Variants in GTSE1 observed in about 807,000 individuals in gnomAD.
GTSE1 encodes G2 and S-phase expressed 1.
A neutral mutation model predicts 60.5 loss-of-function variants in GTSE1; 52 were observed. That is an observed-to-expected ratio of 0.86 (90% CI 0.69 to 1.08). GTSE1 has a LOEUF of 1.08. GTSE1 is among the 50% of genes least tolerant of loss of function. GTSE1 has a pLI of 0.00. For missense variants in GTSE1, 937 were observed against 961.8 expected (o/e 0.97, Z 0.34); for synonymous variants, 368 against 386.5 (o/e 0.95, Z 0.56).
At chr22:46,323,437 A>G (rs975811473) in intron 8 of GTSE1, among the ~76,000 whole-genome samples, 175 bp downstream of exon 8, 1 of 152,158 alleles carries the variant, frequency 6.6e-6, no homozygotes, top group Non-Finnish European at 1.5e-5. Flanking sequence ...TCTACTGCAG[A>G]CTTAAGACAT....
intron 4 of GTSE1, among the ~76,000 whole-genome samples, chr22:46,311,830 A>G (rs2077750145): frequency 6.6e-6 from 1 of 152,172 alleles, no homozygotes; most frequent in African/African-American, 2.4e-5. Flanking sequence ...CAGCTTTCTC[A>G]TTATCATTCT....
rs762430178 is a variant in GTSE1 at position 46,313,954 on chromosome 22, C to T, written c.992C>T (p.Ser331Phe). The change falls in exon 6 of 12, where the codon TCC becomes TTC. Residue 331 changes from serine to phenylalanine, a missense_variant. Physicochemically the swap from Ser to Phe is radical, Grantham distance 155. Transcript: ENST00000454366. The surrounding 1 kb of genome is among the most constrained non-coding windows in gnomAD (Gnocchi z 4.4). Reference protein sequence around the residue: ...GSTSNLARKSSSGPVWSGASS... With the variant: ...GSTSNLARKSFSGPVWSGASS... ...ACCAGCAATCTCGCAAGGAAGTCCTCCTCGGGGCCTGTTTGGAGCGGGGCA... is the reference window on the plus strand; with the variant it reads ...ACCAGCAATCTCGCAAGGAAGTCCTTCTCGGGGCCTGTTTGGAGCGGGGCA... The T allele has an allele frequency of 3.7e-6, 6 of 1,614,234 alleles. No homozygotes were observed. The highest frequency in any genetic ancestry group is 1.3e-5 in the African/African-American group (1 of 75,072).
chr22:46,308,314 A>G lies in GTSE1; in HGVS notation c.138-5A>G. 1 of 1,611,454 alleles carries G rather than the reference A, an allele frequency of 6.2e-7. No individual in the cohort carries two copies. Among genetic ancestry groups the G allele is most frequent in the Non-Finnish European group, 8.5e-7 (1 of 1,178,054 alleles). On this transcript the variant is annotated splice_region_variant and splice_polypyrimidine_tract_variant and intron_variant, in intron 3 of 11. Transcript: ENST00000454366. ...TTATTAATCATTCTTTTTTTAAACA[A>G]ATAGTGCAAATGAAGATGATGAAGT...
In GTSE1 at chr22:46,317,312, A is replaced by G. The variant is rs1432279529; in HGVS notation, c.1432+900A>G. Among the ~76,000 whole-genome samples, 4 of 152,008 alleles carry G rather than the reference A, an allele frequency of 2.6e-5. No individual in the cohort carries two copies. Among genetic ancestry groups the G allele is most frequent in the Non-Finnish European group, 5.9e-5 (4 of 67,978 alleles). On this transcript the variant is annotated intron_variant, in intron 7 of 11. Coordinates refer to ENST00000454366, the MANE Select transcript of GTSE1 (RefSeq NM_016426.7). The surrounding 1 kb of genome is among the most constrained non-coding windows in gnomAD (Gnocchi z 5.6). ...CAGTTTGGGTAGTTTCTGTTGTCAG[A>G]TATCATTTCTTCTGCAGTGCCTAAC...
At chr22:46,328,589 C>T in intron 9 of GTSE1, 99 bp from the exon 10 acceptor site, 1 of 925,770 alleles carries the variant, frequency 1.1e-6, no homozygotes, top group Non-Finnish European at 1.7e-6. Context: ...ACGCACTCCA[C>T]CCAGGACACT....
In GTSE1 at chr22:46,321,671, A is replaced by G. The variant is rs1346652618; in HGVS notation, c.1433-1519A>G. ...AAGGGAGACATCGCAAGAAGCTTCCAGCACGCTGGAAGCAGAGCTGGGTGT... is the reference window on the plus strand; with the variant it reads ...AAGGGAGACATCGCAAGAAGCTTCCGGCACGCTGGAAGCAGAGCTGGGTGT... On this transcript the variant is annotated intron_variant, in intron 7 of 11. Transcript: ENST00000454366. The surrounding 1 kb of genome is among the most constrained non-coding windows in gnomAD (Gnocchi z 4.0). Among the ~76,000 whole-genome samples the G allele has an allele frequency of 2.6e-5, 4 of 152,266 alleles. No homozygotes were observed. The highest frequency in any genetic ancestry group is 1.9e-4 in the East Asian group (1 of 5,198).
At chr22:46,301,038 G>A (rs2077686572) in intron 2 of GTSE1, among the ~76,000 whole-genome samples, 1 of 152,146 alleles carries the variant, frequency 6.6e-6, no homozygotes, top group Non-Finnish European at 1.5e-5. Flanking sequence ...TGTTTTTCAG[G>A]CTTAATTTAT....
At chr22:46,301,548 T>G (rs1388737984) in intron 2 of GTSE1, among the ~76,000 whole-genome samples, 3 of 151,394 alleles carry the variant, frequency 2.0e-5, no homozygotes, top group Non-Finnish European at 2.9e-5. Flanking sequence ...AGTGCAATGG[T>G]GCGATCTCGG....
At chr22:46,299,328 C>T (rs1395456476) in intron 2 of GTSE1, among the ~76,000 whole-genome samples, 4 of 152,246 alleles carry the variant, frequency 2.6e-5, no homozygotes, top group South Asian at 2.1e-4. Flanking sequence ...CTGCTCTCTG[C>T]GGCACCCACG....
At chr22:46,323,400 T>G in intron 8 of GTSE1, 138 bp downstream of exon 8, 1 of 715,228 alleles carries the variant, frequency 1.4e-6, no homozygotes, top group South Asian at 1.5e-5. Flanking sequence ...CAGGCCGAGC[T>G]CCTGATGTGT....
rs758803063 is a variant in GTSE1, at chr22:46,316,449, A to G, written c.1432+37A>G. The stretch of plus-strand genomic sequence containing the variant: ...ATACATTTTAATGTGTCTTTAAAAA[A>G]TACTGAAGAAATTGCATTTAAAGTT... On this transcript the variant is annotated intron_variant, in intron 7 of 11. Transcript: ENST00000454366. This position sits in a 1 kb window ranked among gnomAD's most constrained non-coding sequence, Gnocchi z 5.0. The G allele has an allele frequency of 7.9e-7, 1 of 1,266,350 alleles. No individual in the cohort carries two copies. Among genetic ancestry groups the G allele is most frequent in the Non-Finnish European group, 1.1e-6 (1 of 907,528 alleles). The allele number at this position is 1,266,350 out of a possible 1,614,324, so 78.4% of individuals were successfully genotyped here. A position where few individuals can be genotyped will look rare whatever the true frequency, so the allele number is the denominator to read the frequency against.
At position 46,308,836 on chromosome 22, in the gene GTSE1, G is replaced by A; in HGVS notation, c.655G>A (p.Ala219Thr). 1.9e-6 allele frequency: 3 copies of A among 1,613,296 alleles called. No homozygotes were observed. Among genetic ancestry groups the A allele is most frequent in the Non-Finnish European group, 2.5e-6 (3 of 1,180,032 alleles). Reference protein sequence around the residue: ...AHALPRESCTAHAASQAATQR... With the variant: ...AHALPRESCTTHAASQAATQR... ...TGCTTTGCCCAGGGAATCATGCACT[G>A]CTCATGCTGCAAGTCAGGCAGCGAC... The change falls in exon 4 of 12, where the codon GCT becomes ACT. Residue 219 changes from alanine to threonine, a missense_variant. By Grantham distance (58) the Ala-to-Thr change is moderately conservative. Coordinates refer to ENST00000454366, the MANE Select transcript of GTSE1 (RefSeq NM_016426.7).
rs898321750 is a variant in GTSE1 at position 46,316,152 on chromosome 22, G to C, written c.1172G>C (p.Gly391Ala). Reference sequence around the variant, plus strand: ...CCAGCTCTGCCTGCAGGCCCTGTGGGGGCATCCTCCTGGCAGGCCAAGCGG... The same window carrying C: ...CCAGCTCTGCCTGCAGGCCCTGTGGCGGCATCCTCCTGGCAGGCCAAGCGG... Reference protein sequence around the residue: ...LRPALPAGPVGASSWQAKRVD... With the variant: ...LRPALPAGPVAASSWQAKRVD... The change falls in exon 7 of 12, where the codon GGG becomes GCG. Residue 391 changes from glycine (G) to alanine (A), a missense_variant. By Grantham distance (60) the Gly-to-Ala change is moderately conservative. Coordinates refer to ENST00000454366, the MANE Select transcript of GTSE1 (RefSeq NM_016426.7). The surrounding 1 kb of genome is among the most constrained non-coding windows in gnomAD (Gnocchi z 5.0). 2 of 1,611,960 alleles carry C rather than the reference G, an allele frequency of 1.2e-6. No individual in the cohort carries two copies. Among genetic ancestry groups the C allele is most frequent in the African/African-American group, 2.7e-5 (2 of 75,042 alleles).
At position 46,308,166 on chromosome 22, in the gene GTSE1, C is replaced by T. The variant is rs527357378; in HGVS notation, c.96C>T (p.Ala32=). 3.5e-5 allele frequency: 57 copies of T among 1,611,926 alleles called. 1 individual carries two copies. Among genetic ancestry groups the T allele is most frequent in the East Asian group, 2.7e-4 (12 of 44,856 alleles). ...DPKKEDILLL[A]DEKFDFDLSL... is the part of the protein sequence containing the mutation. The stretch of plus-strand genomic sequence containing the variant: ...TCCCTCTAGACATTCTTCTTTTGGC[C>T]GATGAAAAATTTGACTTCGATCTTT... The change falls in exon 3 of 12, where the codon GCC becomes GCT. Residue 32 remains alanine (A), a synonymous_variant. Transcript: ENST00000454366.
Position 46,312,262 on chromosome 22 carries a change from GC to G in GTSE1, c.886del (p.His296ThrfsTer17). On this transcript the variant is annotated frameshift_variant, in exon 5 of 12. Coordinates refer to ENST00000454366, the MANE Select transcript of GTSE1 (RefSeq NM_016426.7). LOFTEE classifies it high-confidence loss of function. ...PGAVNVPAAG[S>X]HLGQGKRAIP... ...GCTGTCAATGTGCCGGCCGCCGGAA[GC>G]CACTTGGGCCAGGGCAAGCGGGCGA... 1 of 1,614,078 alleles carries G rather than the reference GC, an allele frequency of 6.2e-7. No homozygotes were observed. Among genetic ancestry groups the G allele is most frequent in the South Asian group, 1.1e-5 (1 of 91,056 alleles).
Position 46,320,602 on chromosome 22 carries a change from T to C in GTSE1, c.1433-2588T>C, listed in dbSNP as rs1312972648. ...GCGTGGGACCACATGAACGGTGCCC[T>C]GTAGTGGAGGCTTTCATATGTGCAC... On this transcript the variant is annotated intron_variant, in intron 7 of 11. Coordinates refer to ENST00000454366, the MANE Select transcript of GTSE1 (RefSeq NM_016426.7). The surrounding 1 kb of genome is among the most constrained non-coding windows in gnomAD (Gnocchi z 7.1). Among the ~76,000 whole-genome samples, 3 of 152,348 alleles carry C rather than the reference T, an allele frequency of 2.0e-5. No individual in the cohort carries two copies. The highest frequency in any genetic ancestry group is 4.4e-5 in the Non-Finnish European group (3 of 68,038).
At chr22:46,301,218 C>T (rs971628534) in intron 2 of GTSE1, among the ~76,000 whole-genome samples, 2 of 152,174 alleles carry the variant, frequency 1.3e-5, no homozygotes, top group African/African-American at 2.4e-5. Context: ...CTGTGGACAC[C>T]GTGTAACTGC....
At position 46,308,073 on chromosome 22, in the gene GTSE1, C is replaced by T. The variant is rs947671265; in HGVS notation, c.80-77C>T. On this transcript the variant is annotated intron_variant, in intron 2 of 11. Transcript: ENST00000454366. ...AATTTCACAGTACCTTTATTTAATT[C>T]CAAGCCATAGAGCCTGGTAATATTT... The T allele has an allele frequency of 4.2e-6, 4 of 955,696 alleles. No homozygotes were observed. The African/African-American group carries it at 6.5e-5, about 16-fold the overall frequency. 59.2% of individuals were successfully genotyped at this position (955,696 alleles called of 1,614,324 possible).
In GTSE1 at chr22:46,321,318, T is replaced by G. The variant is rs1323275335; in HGVS notation, c.1433-1872T>G. On this transcript the variant is annotated intron_variant, in intron 7 of 11. Coordinates refer to ENST00000454366, the MANE Select transcript of GTSE1 (RefSeq NM_016426.7). This position sits in a 1 kb window ranked among gnomAD's most constrained non-coding sequence, Gnocchi z 4.0. ...ACTTGGGAGACTGAGGCAGGAAGAT[T>G]ACTTGAACCCAGGAGTTCAAGGCTG... Among the ~76,000 whole-genome samples the G allele has an allele frequency of 6.6e-6, 1 of 152,152 alleles. No homozygotes were observed. The highest frequency in any genetic ancestry group is 1.5e-5 in the Non-Finnish European group (1 of 68,012).
Sources: allele counts gnomAD v4.1 joint callset (sites outside exome capture counted in the v4.1 genomes callset), GRCh38; gene constraint gnomAD v4.1.1; non-coding constraint Gnocchi (gnomAD v3.1); transcripts MANE v1.5; gene names NCBI Gene and HGNC (gene_info 2026-07-23, HGNC 2026-07-21).